DMBT1: variants seen among roughly 807,000 people sequenced by gnomAD.
DMBT1 encodes the protein deleted in malignant brain tumors 1, also known as scavenger receptor cysteine-rich domain-containing protein DMBT1.
In DMBT1, 198 loss-of-function variants were observed where a neutral mutation model predicts 252.9. The observed-to-expected ratio is 0.78, with a 90% confidence interval of 0.70 to 0.88. The LOEUF is 0.88. DMBT1 is among the 40% of genes least tolerant of loss of function. The probability of loss-of-function intolerance (pLI) is 0.00; values close to 1 mark genes in which losing one functional copy is unlikely to be tolerated. For missense variants in DMBT1, 2,432 were observed against 2,404.7 expected (o/e 1.01, Z -0.24); for synonymous variants, 990 against 942.7 (o/e 1.05, Z -0.92).
intron 18 of DMBT1, 123 bp downstream of exon 18, chr10:122,590,817 C>A: frequency 8.1e-7 from 1 of 1,233,878 alleles, no homozygotes; most frequent in Non-Finnish European, 1.2e-6. Flanking sequence ...ATTTTCCCTG[C>A]TCTGTAACTG....
Position 122,617,209 on chromosome 10 carries a change from T to G in DMBT1, c.4859-19T>G. The G allele has an allele frequency of 1.2e-6, 2 of 1,608,394 alleles. No homozygotes were observed. Among genetic ancestry groups the G allele is most frequent in the Non-Finnish European group, 1.7e-6 (2 of 1,178,038 alleles). ...CCTTCAAGTCTAATTCTGTCTTTTT[T>G]CTTTGTTGCTATTTACAGACACTTG... On this transcript the variant is annotated intron_variant, in intron 39 of 55. Coordinates refer to ENST00000338354, the MANE Select transcript of DMBT1 (RefSeq NM_001377530.1).
intron 41 of DMBT1, 120 bp downstream of exon 41, chr10:122,618,460 T>C (rs1342794864): frequency 2.6e-6 from 4 of 1,522,566 alleles, no homozygotes; most frequent in Non-Finnish European, 3.5e-6. Flanking sequence ...ATTTCTGAAG[T>C]CTTGTTAGCT....
intron 44 of DMBT1, among the ~76,000 whole-genome samples, chr10:122,621,844 A>G (rs2098072831): frequency 6.6e-6 from 1 of 152,230 alleles, no homozygotes; most frequent in South Asian, 2.1e-4. Context: ...ATATGGGCTA[A>G]GAGTGCAAAC....
intron 15 of DMBT1, 105 bp from the exon 16 acceptor site, chr10:122,585,955 G>C: frequency 1.3e-6 from 2 of 1,549,382 alleles, no homozygotes; most frequent in Non-Finnish European, 8.7e-7. Context: ...GTGACTGCCT[G>C]CCCAGGTGAC....
At chr10:122,617,120 A>T in intron 39 of DMBT1, 108 bp from the exon 40 acceptor site, 1 of 1,272,086 alleles carries the variant, frequency 7.9e-7, no homozygotes, top group Non-Finnish European at 1.1e-6. Flanking sequence ...TGGCAGGAAC[A>T]GGAAGTGGAA....
rs762997109 is a variant in DMBT1 at position 122,633,159 on chromosome 10, G to C, written c.6398-32G>C. On this transcript the variant is annotated intron_variant, in intron 51 of 55. Coordinates refer to ENST00000338354, the MANE Select transcript of DMBT1 (RefSeq NM_001377530.1). ...GTAGACTGTGCAGTGTGCTCTGGGG[G>C]TCACCGACATTCCCACTTTTTGTCC... 1.9e-6 allele frequency: 3 copies of C among 1,611,960 alleles called. No individual in the cohort carries two copies. The South Asian group carries it at 3.3e-5, about 18-fold the overall frequency.
intron 28 of DMBT1, 70 bp downstream of exon 28, chr10:122,601,093 G>T: frequency 3.3e-6 from 2 of 607,604 alleles, no homozygotes; most frequent in Non-Finnish European, 5.5e-6. Context: ...AAACTGATAG[G>T]ATGAGGCTCA....
chr10:122,586,663 C>A (rs982638216), intron 16 of DMBT1, among the ~76,000 whole-genome samples: 1 of 148,218 alleles, frequency 6.7e-6, no homozygotes, highest in Non-Finnish European at 1.5e-5. Flanking sequence ...GGGTCTTTGC[C>A]TTTTAGTGTG....
chr10:122,632,007 C>G (rs1387670120), intron 50 of DMBT1, 132 bp downstream of exon 50: 1 of 1,053,478 alleles, frequency 9.5e-7, no homozygotes, highest in African/African-American at 1.6e-5. Flanking sequence ...CAGCCCCTGT[C>G]CCCTCCCCTG....
At chr10:122,580,721 G>A (rs930464840) in intron 10 of DMBT1, 145 bp from the exon 11 acceptor site, 6 of 1,255,234 alleles carry the variant, frequency 4.8e-6, no homozygotes, top group East Asian at 2.3e-5. Flanking sequence ...TCTCTGTGGG[G>A]ATGTGCATGG....
intron 6 of DMBT1, among the ~76,000 whole-genome samples, chr10:122,574,229 C>A (rs2097691938): frequency 6.6e-6 from 1 of 152,228 alleles, no homozygotes; most frequent in Non-Finnish European, 1.5e-5. Flanking sequence ...AGAGAAATCA[C>A]AATCCTTCAG....
In DMBT1 at chr10:122,585,263, A is replaced by G. The variant is rs2097779537; in HGVS notation, c.1421-8A>G. The G allele has an allele frequency of 6.3e-7, 1 of 1,586,372 alleles. No individual in the cohort carries two copies. Among genetic ancestry groups the G allele is most frequent in the Non-Finnish European group, 8.6e-7 (1 of 1,164,086 alleles). Reference sequence around the variant, plus strand: ...TAATTCTAGCCTTTGTCTCTGTTGCAATTACAGACACGTTGCCGACCATCA... The same window carrying G: ...TAATTCTAGCCTTTGTCTCTGTTGCGATTACAGACACGTTGCCGACCATCA... On this transcript the variant is annotated splice_polypyrimidine_tract_variant and splice_region_variant and intron_variant, in intron 14 of 55. Coordinates refer to ENST00000338354, the MANE Select transcript of DMBT1 (RefSeq NM_001377530.1).
intron 1 of DMBT1, among the ~76,000 whole-genome samples, chr10:122,564,779 A>T (rs1282878305): frequency 6.6e-6 from 1 of 152,162 alleles, no homozygotes; most frequent in Non-Finnish European, 1.5e-5. Context: ...AATTTGAGAA[A>T]TTCATCTAGG....
At chr10:122,630,677 C>T (rs549094075) in intron 48 of DMBT1, among the ~76,000 whole-genome samples, 187 bp downstream of exon 48, 22 of 152,296 alleles carry the variant, frequency 1.4e-4, no homozygotes, top group Middle Eastern at 6.8e-3. Context: ...ACTGGGGGTT[C>T]CACCTGGCCT....
intron 2 of DMBT1, among the ~76,000 whole-genome samples, chr10:122,567,138 T>G (rs563789308): frequency 6.6e-6 from 1 of 152,324 alleles, no homozygotes; most frequent in East Asian, 1.9e-4. Context: ...TTCCAGGACA[T>G]GACTTGAGAG....
In DMBT1 at chr10:122,560,830, A is replaced by G; in HGVS notation, c.60A>G (p.Thr20=). Residue 20 remains threonine (T), a splice_region_variant and synonymous_variant, in exon 1 of 56, where the codon ACA becomes ACG. Coordinates refer to ENST00000338354, the MANE Select transcript of DMBT1 (RefSeq NM_001377530.1). ...MCLLWGQVLS[T]GGWIPRTTDY... ...TTTTATGGGGACAAGTTCTATCTAC[A>G]GGTATTACGTTTAATTATTATATTC... 1 of 1,563,552 alleles carries G rather than the reference A, an allele frequency of 6.4e-7. No individual in the cohort carries two copies. Among genetic ancestry groups the G allele is most frequent in the Non-Finnish European group, 8.7e-7 (1 of 1,151,498 alleles).
At chr10:122,634,919 C>T (rs1002930155) in intron 52 of DMBT1, among the ~76,000 whole-genome samples, 1 of 152,242 alleles carries the variant, frequency 6.6e-6, no homozygotes, top group Non-Finnish European at 1.5e-5. Context: ...CTAACAGCCA[C>T]TGTTGAACAA....
chr10:122,629,988 T>G lies in DMBT1; in HGVS notation c.5817T>G (p.Asn1939Lys), dbSNP rs759593893. 1 of 1,613,964 alleles carries G rather than the reference T, an allele frequency of 6.2e-7. No homozygotes were observed. Residue 1939 changes from asparagine (N) to lysine (K), a missense_variant, in exon 47 of 56, where the codon AAT becomes AAG. Coordinates refer to ENST00000338354, the MANE Select transcript of DMBT1 (RefSeq NM_001377530.1). The part of the protein sequence containing the change: ...SGYRINLGFS[N>K]LKLEAHHNCS... ...ATCGCATAAACCTGGGCTTCAGTAA[T>G]CTGAAGTAAGTAATGCCTGGTCATC... is the stretch of plus-strand genomic sequence containing the variant.
intron 2 of DMBT1, among the ~76,000 whole-genome samples, chr10:122,567,864 G>T (rs909300343): frequency 6.6e-6 from 1 of 152,330 alleles, no homozygotes; most frequent in East Asian, 1.9e-4. Context: ...AGAGTGTACT[G>T]AAGCATTTTG....
Sources: gnomAD v4.1 joint callset for allele counts (sites outside exome capture counted in the v4.1 genomes callset) on GRCh38, gnomAD v4.1.1 for gene constraint, MANE v1.5 for transcripts, NCBI Gene and HGNC (gene_info 2026-07-23, HGNC 2026-07-21) for gene names.